The following WDR64 variants were observed in gnomAD, a reference collection of about 807,000 sequenced individuals.
WDR64 encodes the protein WD repeat-containing protein 64.
Under a neutral mutation model 139.3 loss-of-function variants are expected in WDR64, and 112 were observed. That is an observed-to-expected ratio of 0.80 (90% CI 0.69 to 0.94). The LOEUF (loss-of-function observed/expected upper bound fraction) is 0.94. WDR64 is among the 40% of genes least tolerant of loss of function. The probability of loss-of-function intolerance (pLI) is 0.00; values close to 1 mark genes in which losing one functional copy is unlikely to be tolerated. For synonymous variants in WDR64, 444 were observed against 437.7 expected (o/e 1.01, Z -0.18); for missense variants, 1,206 against 1,293.1 (o/e 0.93, Z 1.03).
rs148650063 is a variant in WDR64 at position 241,786,539 on chromosome 1, G to A, written c.2706-1310G>A. 4.1e-4 allele frequency among the ~76,000 whole-genome samples: 62 copies of A among 152,304 alleles called. 1 individual carries two copies. In the East Asian group the frequency reaches 0.011, roughly 26 times the overall value. Reference sequence around the variant, plus strand: ...TAGTGAAACAAGGCATATGGATAACGAGTCCCTTCTCTTGCCATCCTCTTT... The same window carrying A: ...TAGTGAAACAAGGCATATGGATAACAAGTCCCTTCTCTTGCCATCCTCTTT... On this transcript the variant is annotated intron_variant, in intron 23 of 27. Transcript: ENST00000437684.
At position 241,795,266 on chromosome 1, in the gene WDR64, C is replaced by T. The variant is rs749470958; in HGVS notation, c.3057C>T (p.Phe1019=). The T allele has an allele frequency of 2.8e-5, 45 of 1,613,554 alleles. No individual in the cohort carries two copies. Among genetic ancestry groups the T allele is most frequent in the Middle Eastern group, 1.6e-4 (1 of 6,084 alleles). Residue 1019 remains phenylalanine, a synonymous_variant, in exon 26 of 28, where the codon TTC becomes TTT. Transcript: ENST00000437684. ...AAAACAGAGAGGCAGGGATTGTTTTCGGCTCTCTGCCTATATACAGTGTGA... is the reference window on the plus strand; with the variant it reads ...AAAACAGAGAGGCAGGGATTGTTTTTGGCTCTCTGCCTATATACAGTGTGA... ...VTENREAGIV[F]GSLPIYSISS... is the part of the protein sequence containing the mutation.
In WDR64 at chr1:241,746,525, T is replaced by TA. The variant is rs111783354; in HGVS notation, c.1594+2019dup. 1.7e-3 allele frequency among the ~76,000 whole-genome samples: 248 copies of TA among 147,670 alleles called. 1 individual carries two copies. The highest frequency in any genetic ancestry group is 2.4e-3 in the East Asian group (12 of 5,044). On this transcript the variant is annotated intron_variant, in intron 13 of 27. Transcript: ENST00000437684. ...GAATACCATAGAGTGGGTGGTGTTT[T>TA]AAAAAAAAAAGTTTATAGCAGATTT...
intron 12 of WDR64, among the ~76,000 whole-genome samples, chr1:241,743,626 T>A (rs1669638992): frequency 6.6e-6 from 1 of 152,206 alleles, no homozygotes; most frequent in Non-Finnish European, 1.5e-5. Context: ...TCATTCTGTG[T>A]TGCCAGTTCA....
intron 10 of WDR64, among the ~76,000 whole-genome samples, chr1:241,735,849 CTCTCTCTGTG>C (rs1489888293): frequency 4.1e-4 from 37 of 89,534 alleles, no homozygotes; most frequent in South Asian, 3.5e-3. Flanking sequence ...CTCTCTCTCT[CTCTCTCTGTG>C]TGTGTGTGTG....
intron 8 of WDR64, among the ~76,000 whole-genome samples, chr1:241,711,590 A>T (rs1224837543): frequency 6.6e-6 from 1 of 152,184 alleles, no homozygotes; most frequent in African/African-American, 2.4e-5. Context: ...AAACAGGAAC[A>T]ATACAAAGTA....
At chr1:241,665,082 A>G (rs1665980416) in intron 2 of WDR64, among the ~76,000 whole-genome samples, 1 of 152,192 alleles carries the variant, frequency 6.6e-6, no homozygotes, top group African/African-American at 2.4e-5. Flanking sequence ...AAGACTTTAA[A>G]AAAACAAAAC....
chr1:241,783,528 T>C, intron 23 of WDR64, 147 bp downstream of exon 23: 1 of 616,438 alleles, frequency 1.6e-6, no homozygotes, highest in Non-Finnish European at 2.7e-6. Context: ...CAAAAGGACT[T>C]TGAAAAGATG....
intron 25 of WDR64, among the ~76,000 whole-genome samples, chr1:241,794,347 G>A (rs2148331592): frequency 6.6e-6 from 1 of 152,002 alleles, no homozygotes; most frequent in East Asian, 1.9e-4. Flanking sequence ...ATAAAGATTG[G>A]AATTCACTTT....
chr1:241,702,361 C>G (rs1426259205), intron 8 of WDR64, among the ~76,000 whole-genome samples: 1 of 152,116 alleles, frequency 6.6e-6, no homozygotes, highest in Non-Finnish European at 1.5e-5. Context: ...CTCAGTTTCC[C>G]CATCTTTAAA....
chr1:241,656,185 T>A lies in WDR64; in HGVS notation c.145+3556T>A, dbSNP rs1665588601. On this transcript the variant is annotated intron_variant, in intron 1 of 27. Transcript: ENST00000437684. This position sits in a 1 kb window ranked among gnomAD's most constrained non-coding sequence, Gnocchi z 4.3. ...GAGAAGGCAGAAATGTCATCTTCAC[T>A]TTTGTCAGGCTGTTAATAATGTCTG... Among the ~76,000 whole-genome samples, 1 of 152,204 alleles carries A rather than the reference T, an allele frequency of 6.6e-6. No homozygotes were observed. The highest frequency in any genetic ancestry group is 2.1e-4 in the South Asian group (1 of 4,828).
At chr1:241,654,106 A>C (rs1014502945) in intron 1 of WDR64, among the ~76,000 whole-genome samples, 7 of 151,518 alleles carry the variant, frequency 4.6e-5, no homozygotes, top group African/African-American at 7.3e-5. Flanking sequence ...ATTCTCTCAA[A>C]CCCCCCTTTT....
intron 6 of WDR64, 69 bp downstream of exon 6, chr1:241,679,664 C>G: frequency 1.0e-5 from 13 of 1,288,610 alleles, no homozygotes; most frequent in Non-Finnish European, 1.3e-5. Flanking sequence ...TATGAGCAAT[C>G]CACTTTCTCT....
intron 21 of WDR64, among the ~76,000 whole-genome samples, chr1:241,777,090 G>A (rs1658681351): frequency 6.6e-6 from 1 of 152,110 alleles, no homozygotes; most frequent in African/African-American, 2.4e-5. Flanking sequence ...ATCATTAGTT[G>A]TTGCCTTTAG....
At chr1:241,652,910 T>C (rs1468850156) in intron 1 of WDR64, among the ~76,000 whole-genome samples, 1 of 152,240 alleles carries the variant, frequency 6.6e-6, no homozygotes. Context: ...TGACGTCCAG[T>C]GTTCTTCTGT....
chr1:241,757,546 A>C lies in WDR64; in HGVS notation c.1947+87A>C, dbSNP rs529701196. 4.5e-4 allele frequency: 580 copies of C among 1,278,694 alleles called. 1 individual carries two copies. In the Middle Eastern group the frequency reaches 6.5e-3, roughly 14 times the overall value. 79.2% of individuals were successfully genotyped at this position (1,278,694 alleles called of 1,614,324 possible). A position where few individuals can be genotyped will look rare whatever the true frequency, so the allele number is the denominator to read the frequency against. Reference sequence around the variant, plus strand: ...TATATAAAGGTACAGAAAATAATACAAAGAGCTTCTATGTGTTATCACTCA... The same window carrying C: ...TATATAAAGGTACAGAAAATAATACCAAGAGCTTCTATGTGTTATCACTCA... On this transcript the variant is annotated intron_variant, in intron 15 of 27. Coordinates refer to ENST00000437684, the MANE Select transcript of WDR64 (RefSeq NM_001367482.1).
rs114631104 is a variant in WDR64 at position 241,705,769 on chromosome 1, G to A, written c.975-6033G>A. On this transcript the variant is annotated intron_variant, in intron 8 of 27. Transcript: ENST00000437684. ...CGCCCGGCTAATTTTTCTTAATTTT[G>A]GTAGAGATGGGGTCTTGTTATGTTG... 5.5e-3 allele frequency among the ~76,000 whole-genome samples: 835 copies of A among 151,792 alleles called. 9 individuals carry two copies. Among genetic ancestry groups the A allele is most frequent in the African/African-American group, 0.019 (805 of 41,402 alleles).
At chr1:241,694,673 T>C (rs1200585620) in intron 8 of WDR64, among the ~76,000 whole-genome samples, 1 of 152,204 alleles carries the variant, frequency 6.6e-6, no homozygotes, top group Non-Finnish European at 1.5e-5. Context: ...CTTGTAGTCC[T>C]ACAGAAGACA....
intron 9 of WDR64, among the ~76,000 whole-genome samples, chr1:241,722,483 G>A (rs997179251): frequency 3.9e-5 from 6 of 152,108 alleles, no homozygotes; most frequent in Non-Finnish European, 8.8e-5. Context: ...ATAACCATTC[G>A]TTGCAGTATT....
At chr1:241,723,188 A>G (rs1294068255) in intron 9 of WDR64, 109 bp from the exon 10 acceptor site, 1 of 1,381,270 alleles carries the variant, frequency 7.2e-7, no homozygotes, top group Non-Finnish European at 9.9e-7. Flanking sequence ...CCAGAAACGG[A>G]CTGTGATTTG....
Sources: gnomAD v4.1 joint callset for allele counts (sites outside exome capture counted in the v4.1 genomes callset) on GRCh38, gnomAD v4.1.1 for gene constraint, Gnocchi (gnomAD v3.1) non-coding constraint, MANE v1.5 for transcripts, NCBI Gene and HGNC (gene_info 2026-07-23, HGNC 2026-07-21) for gene names.